Variants in ATG7 observed in about 807,000 individuals in gnomAD.
The protein encoded by ATG7 is ubiquitin-like modifier-activating enzyme ATG7.
A neutral mutation model predicts 82.4 loss-of-function variants in ATG7; 70 were observed. That is an observed-to-expected ratio of 0.85 (90% CI 0.70 to 1.04). The LOEUF (loss-of-function observed/expected upper bound fraction) is 1.04. Among genes scored for constraint, ATG7 ranks in the 50% least tolerant of loss-of-function variants. ATG7 has a pLI of 0.00. For synonymous variants in ATG7, 287 were observed against 313.0 expected (o/e 0.92, Z 0.88); for missense variants, 792 against 864.3 (o/e 0.92, Z 1.05).
chr3:11,528,547 T>G (rs1025687058), intron 20 of ATG7, among the ~76,000 whole-genome samples: 5 of 151,918 alleles, frequency 3.3e-5, no homozygotes, highest in African/African-American at 9.7e-5. Context: ...TTAAAATAGT[T>G]TGGGCGCAGT....
At chr3:11,417,817 T>TTTA (rs2081527247) in intron 19 of ATG7, among the ~76,000 whole-genome samples, 1 of 74,858 alleles carries the variant, frequency 1.3e-5, no homozygotes, top group African/African-American at 3.3e-5. Context: ...TTTATTTTAT[T>TTTA]TTTTTTTTTT....
chr3:11,282,605 G>A (rs1445619186), intron 3 of ATG7, among the ~76,000 whole-genome samples, 167 bp downstream of exon 3: 1 of 152,212 alleles, frequency 6.6e-6, no homozygotes, highest in Non-Finnish European at 1.5e-5. Flanking sequence ...TGACTCTAAT[G>A]CAACTTTTAA....
At chr3:11,477,445 T>C (rs1381920548) in intron 20 of ATG7, 2 of 484,036 alleles carry the variant, frequency 4.1e-6, no homozygotes, top group African/African-American at 4.2e-5. Flanking sequence ...ATCAGCATGT[T>C]TTCTCCCTCT....
chr3:11,529,536 G>A (rs899940742), intron 20 of ATG7: 1 of 154,430 alleles, frequency 6.5e-6, no homozygotes, highest in African/African-American at 2.4e-5. Flanking sequence ...GTCAGATGAG[G>A]TCAAGGGCTT....
intron 7 of ATG7, 111 bp downstream of exon 7, chr3:11,309,172 T>C (rs1352557928): frequency 1.9e-6 from 2 of 1,054,434 alleles, no homozygotes; most frequent in African/African-American, 1.6e-5. Context: ...CTTCTGTTAC[T>C]TAAATAATAG....
At chr3:11,574,779 C>CTGTGTGTGTG in the ATG7 span, among the ~76,000 whole-genome samples, 3 of 121,792 alleles carry the variant, frequency 2.5e-5, no homozygotes, top group African/African-American at 9.3e-5. Flanking sequence ...GTCAATTCAA[C>CTGTGTGTGTG]TATATATGTG....
chr3:11,537,857 C>T (rs974572700), intron 20 of ATG7, among the ~76,000 whole-genome samples: 1 of 152,118 alleles, frequency 6.6e-6, no homozygotes, highest in African/African-American at 2.4e-5. Context: ...ACGAGCTAGC[C>T]CACAGAGAGC....
In ATG7 at chr3:11,447,470, G is replaced by GAAA. The variant is rs764275667; in HGVS notation, c.2079+20557_2079+20559dup. Among the ~76,000 whole-genome samples, 354 of 135,518 alleles carry GAAA rather than the reference G, an allele frequency of 2.6e-3. 1 individual carries two copies. The highest frequency in any genetic ancestry group is 9.0e-3 in the African/African-American group (331 of 36,920). 88.9% of individuals were successfully genotyped at this position (135,518 alleles called of 152,430 possible). On this transcript the variant is annotated intron_variant, in intron 20 of 20. Coordinates refer to ENST00000693202, the MANE Select transcript of ATG7 (RefSeq NM_001349232.2). ...CAACAGTGCAAGACTCCGTCTCAGG[G>GAAA]AAAAAAAAAAAAAAAGTAATTTATT...
intron 20 of ATG7, among the ~76,000 whole-genome samples, chr3:11,530,369 C>T (rs1176989885): frequency 6.6e-6 from 1 of 152,158 alleles, no homozygotes; most frequent in East Asian, 1.9e-4. Context: ...GCATCGCCAC[C>T]TTCTGCATTT....
At position 11,443,792 on chromosome 3, in the gene ATG7, C is replaced by T. The variant is rs1019444218; in HGVS notation, c.2079+16866C>T. Among the ~76,000 whole-genome samples, 6 of 152,260 alleles carry T rather than the reference C, an allele frequency of 3.9e-5. No individual in the cohort carries two copies. In the East Asian group the frequency reaches 1.2e-3, roughly 29 times the overall value. On this transcript the variant is annotated intron_variant, in intron 20 of 20. Transcript: ENST00000693202. ...GACAAAGATCAAGAAAATTTCCCCCCCTGCTTTTTTCTCTTATATTTTAAT... is the reference window on the plus strand; with the variant it reads ...GACAAAGATCAAGAAAATTTCCCCCTCTGCTTTTTTCTCTTATATTTTAAT...
chr3:11,446,790 A>AG (rs35461258), intron 20 of ATG7: 2 of 193,376 alleles, frequency 1.0e-5, no homozygotes, highest in Non-Finnish European at 2.1e-5. Context: ...GCTATGCTCC[A>AG]GGGGGAGGTG....
At chr3:11,411,317 A>G (rs183531664) in intron 19 of ATG7, among the ~76,000 whole-genome samples, 21 of 152,176 alleles carry the variant, frequency 1.4e-4, no homozygotes, top group African/African-American at 3.9e-4. Flanking sequence ...AATTACCTGT[A>G]TGTTCTGTAT....
In ATG7 at chr3:11,372,827, C is replaced by CGTGT. The variant is rs56253429; in HGVS notation, c.1876-7139_1876-7136dup. On this transcript the variant is annotated intron_variant, in intron 18 of 20. Transcript: ENST00000693202. ...GTGTGTGTGTGTGTGCGCGCGTGTG[C>CGTGT]GTGTGTGTGCGTGCGTGCGTGTGCG... Among the ~76,000 whole-genome samples, 16 of 127,508 alleles carry CGTGT rather than the reference C, an allele frequency of 1.3e-4. 3 individuals carry two copies. The highest frequency in any genetic ancestry group is 5.4e-4 in the Admixed American group (7 of 13,002). 83.7% of individuals were successfully genotyped at this position (127,508 alleles called of 152,430 possible).
intron 19 of ATG7, among the ~76,000 whole-genome samples, chr3:11,416,258 G>A (rs956803728): frequency 1.3e-5 from 2 of 152,186 alleles, no homozygotes; most frequent in African/African-American, 4.8e-5. Flanking sequence ...TCTGTCTTCT[G>A]AAAGAGATTG....
chr3:11,397,437 T>G (rs1307769048), intron 19 of ATG7, among the ~76,000 whole-genome samples: 1 of 172 alleles, frequency 5.8e-3, no homozygotes, highest in Non-Finnish European at 0.01. Flanking sequence ...ATATAAAAAA[T>G]TTACAAGAAC....
intron 3 of ATG7, among the ~76,000 whole-genome samples, chr3:11,286,336 C>T (rs1209238255): frequency 1.3e-5 from 2 of 152,098 alleles, no homozygotes; most frequent in Non-Finnish European, 2.9e-5. Context: ...GTTTCCTGCC[C>T]GCTAAGGTCT....
intron 20 of ATG7, among the ~76,000 whole-genome samples, chr3:11,523,942 C>T (rs953662486): frequency 5.3e-5 from 8 of 152,178 alleles, no homozygotes; most frequent in Non-Finnish European, 8.8e-5. Flanking sequence ...CCAGCCCCAG[C>T]GCCCACCCCT....
At chr3:11,299,154 C>A in intron 4 of ATG7, 2 of 602,386 alleles carry the variant, frequency 3.3e-6, no homozygotes, top group Non-Finnish European at 5.8e-6. Flanking sequence ...TTTTTATATT[C>A]TTGGCGAATG....
chr3:11,319,075 A>G (rs1949855475), intron 9 of ATG7, among the ~76,000 whole-genome samples: 1 of 152,238 alleles, frequency 6.6e-6, no homozygotes, highest in African/African-American at 2.4e-5. Flanking sequence ...AATGCTGGAC[A>G]CTTAAGAGAC....
Sources: allele counts gnomAD v4.1 joint callset (sites outside exome capture counted in the v4.1 genomes callset), GRCh38; gene constraint gnomAD v4.1.1; transcripts MANE v1.5; gene names NCBI Gene and HGNC (gene_info 2026-07-23, HGNC 2026-07-21).